The following PNPLA1 variants were observed in gnomAD, a reference collection of about 807,000 sequenced individuals.
The protein encoded by PNPLA1 is patatin like domain 1, omega-hydroxyceramide transacylase, also known as omega-hydroxyceramide transacylase.
In PNPLA1, 36 loss-of-function variants were observed where a neutral mutation model predicts 51.7. The observed-to-expected ratio is 0.70, with a 90% CI of 0.53 to 0.92. The LOEUF is 0.92. PNPLA1 is among the 40% of genes least tolerant of loss of function. The pLI is 0.00. For missense variants in PNPLA1, 658 were observed against 682.5 expected, an observed-to-expected ratio of 0.96 and a Z score of 0.40; for synonymous variants, 293 against 280.1, an observed-to-expected ratio of 1.05 and a Z score of -0.46.
In PNPLA1 at chr6:36,307,661, G is replaced by A; in HGVS notation, c.1544G>A (p.Arg515Lys). 9 of 1,613,860 alleles carry A rather than the reference G, an allele frequency of 5.6e-6. No individual in the cohort carries two copies. The highest frequency in any genetic ancestry group is 7.6e-6 in the Non-Finnish European group (9 of 1,179,898). ...AACAAGCAAAAGACAAGTGGCACCAGAAAAGGCTTCCCAAGACATTCGGGA... is the reference window on the plus strand; with the variant it reads ...AACAAGCAAAAGACAAGTGGCACCAAAAAAGGCTTCCCAAGACATTCGGGA... ...KKNKQKTSGT[R>K]KGFPRHSGSK... The change falls in exon 8 of 9, where the codon AGA becomes AAA. Residue 515 changes from arginine (R) to lysine (K), a missense_variant. Transcript: ENST00000636260.
rs533490180 is a variant in PNPLA1, at chr6:36,305,988, C to T, written c.1385-304C>T. Among the ~76,000 whole-genome samples the T allele has an allele frequency of 4.6e-5, 7 of 152,188 alleles. No homozygotes were observed. In the South Asian group the frequency reaches 1.4e-3, roughly 32 times the overall value. ...CAGACTGGTCTCAAATTCCTGGCCT[C>T]AAGTGATCTGCCCGCCTTGGCCTCC... On this transcript the variant is annotated intron_variant, in intron 6 of 8. Coordinates refer to ENST00000636260, the MANE Select transcript of PNPLA1 (RefSeq NM_001374623.1).
intron 1 of PNPLA1, among the ~76,000 whole-genome samples, chr6:36,247,589 A>G (rs1239301095): frequency 6.6e-6 from 1 of 152,208 alleles, no homozygotes; most frequent in Non-Finnish European, 1.5e-5. Flanking sequence ...GGTGTGGAGA[A>G]AGATCTGAGA....
chr6:36,282,844 C>T (rs138634308), intron 1 of PNPLA1, among the ~76,000 whole-genome samples: 32 of 152,240 alleles, frequency 2.1e-4, no homozygotes, highest in Middle Eastern at 6.8e-3. Context: ...CCCACCACGT[C>T]CAGCTAATTT....
At chr6:36,291,579 GACAC>G (rs1561864533) in intron 2 of PNPLA1, 27 bp downstream of exon 2, 41 of 103,620 alleles carry the variant, frequency 4.0e-4, no homozygotes, top group Admixed American at 1.3e-3. Flanking sequence ...GGGAGGGAGG[GACAC>G]GGAGGGGGCG....
chr6:36,300,110 G>A lies in PNPLA1; in HGVS notation c.776-1751G>A, dbSNP rs141525284. On this transcript the variant is annotated intron_variant, in intron 5 of 8. Coordinates refer to ENST00000636260, the MANE Select transcript of PNPLA1 (RefSeq NM_001374623.1). Reference sequence around the variant, plus strand: ...GGATCACATTACATTTTGTTGTCACGTCTCCTCAGTTTCCTCTTGCCTATA... The same window carrying A: ...GGATCACATTACATTTTGTTGTCACATCTCCTCAGTTTCCTCTTGCCTATA... Among the ~76,000 whole-genome samples, 20 of 150,904 alleles carry A rather than the reference G, an allele frequency of 1.3e-4. No homozygotes were observed. In the East Asian group the frequency reaches 3.9e-3, roughly 29 times the overall value.
chr6:36,289,475 T>A (rs1379591959), intron 1 of PNPLA1, among the ~76,000 whole-genome samples: 1 of 152,192 alleles, frequency 6.6e-6, no homozygotes, highest in Non-Finnish European at 1.5e-5. Context: ...TGGCACATGG[T>A]AAGGCTAACC....
At chr6:36,285,039 G>A (rs571428067) in intron 1 of PNPLA1, among the ~76,000 whole-genome samples, 1 of 152,342 alleles carries the variant, frequency 6.6e-6, no homozygotes, top group African/African-American at 2.4e-5. Context: ...AGGATAAACT[G>A]AGATAATAGG....
At chr6:36,277,682 A>T (rs1233408430) in intron 1 of PNPLA1, among the ~76,000 whole-genome samples, 1 of 152,236 alleles carries the variant, frequency 6.6e-6, no homozygotes, top group Non-Finnish European at 1.5e-5. Flanking sequence ...TGGGCAACAA[A>T]GTGAGACCCT....
At position 36,302,321 on chromosome 6, in the gene PNPLA1, C is replaced by A; in HGVS notation, c.1236C>A (p.Ala412=). The A allele has an allele frequency of 1.2e-6, 2 of 1,613,994 alleles. No individual in the cohort carries two copies. The highest frequency in any genetic ancestry group is 8.5e-7 in the Non-Finnish European group (1 of 1,179,936). ...AGGTACAACCGTCTGGATCACCAGC[C>A]AGATCCCTACACTCTCAGGCACCCA... ...QQQVQPSGSP[A]RSLHSQAPTS... Residue 412 remains alanine, a synonymous_variant, in exon 6 of 9, where the codon GCC becomes GCA. Transcript: ENST00000636260.
chr6:36,292,720 T>C (rs72848550), intron 2 of PNPLA1, among the ~76,000 whole-genome samples: 5,516 of 152,302 alleles, frequency 0.036, 121 homozygotes, highest in Middle Eastern at 0.14. Context: ...CAGCCTCCTT[T>C]GCTTCCAGGG....
chr6:36,269,525 GGAA>G (rs1241608333), upstream of PNPLA1, among the ~76,000 whole-genome samples: 1 of 152,112 alleles, frequency 6.6e-6, no homozygotes, highest in South Asian at 2.1e-4. Context: ...TTTCTGAGCG[GGAA>G]GAAGAACACG....
At position 36,264,752 on chromosome 6, in the gene PNPLA1, T is replaced by C. The variant is rs577538167; in HGVS notation, c.-81+21491T>C. The stretch of plus-strand genomic sequence containing the variant: ...GTTTGCTGCACTAGTTTGGGTACTT[T>C]ATGCTAGAGCTCTTTCATTATAAGA... On this transcript the variant is annotated intron_variant, in intron 1 of 7. Transcript: ENST00000312917. 2.0e-5 allele frequency among the ~76,000 whole-genome samples: 3 copies of C among 152,324 alleles called. No homozygotes were observed. The East Asian group carries it at 5.8e-4, about 29-fold the overall frequency.
rs1439010386 is a variant in PNPLA1, at chr6:36,270,494, C to T, written c.35C>T (p.Thr12Ile). Reference protein sequence around the residue: ...EEQVFKGDPDTPHSISFSGSG... With the variant: ...EEQVFKGDPDIPHSISFSGSG... ...CAGGTGTTCAAGGGGGACCCGGACA[C>T]CCCTCACTCCATCTCCTTCTCGGGC... The change falls in exon 1 of 9, where the codon ACC becomes ATC. Residue 12 changes from threonine (T) to isoleucine (I), a missense_variant. Transcript: ENST00000636260. 3 of 1,551,352 alleles carry T rather than the reference C, an allele frequency of 1.9e-6. No individual in the cohort carries two copies. Among genetic ancestry groups the T allele is most frequent in the Middle Eastern group, 1.7e-4 (1 of 5,992 alleles).
intron 1 of PNPLA1, among the ~76,000 whole-genome samples, chr6:36,286,055 A>G (rs1205423715): frequency 6.6e-6 from 1 of 152,254 alleles, no homozygotes; most frequent in African/African-American, 2.4e-5. Context: ...CTGAATCATC[A>G]AAATGCCTTG....
intron 1 of PNPLA1, among the ~76,000 whole-genome samples, chr6:36,282,135 AGGAAAG>A (rs1483300803): frequency 4.1e-5 from 6 of 146,782 alleles, no homozygotes; most frequent in African/African-American, 1.3e-4. Context: ...GAAGGAAGGA[AGGAAAG>A]AGAGACAGAG....
chr6:36,295,467 T>C (rs1305709397), intron 5 of PNPLA1, 43 bp downstream of exon 5: 1 of 1,592,958 alleles, frequency 6.3e-7, no homozygotes, highest in East Asian at 2.2e-5. Context: ...TGTTGGAGGG[T>C]AGGGAAAGTT....
chr6:36,243,365 T>G (rs1404062306), intron 1 of PNPLA1: 1 of 150,292 alleles, frequency 6.7e-6, no homozygotes, highest in Non-Finnish European at 1.5e-5. Context: ...GCATGGAGAG[T>G]GAGGGAGGAA....
At chr6:36,310,400 G>T (rs1771362600) in intron 8 of PNPLA1, among the ~76,000 whole-genome samples, 1 of 152,210 alleles carries the variant, frequency 6.6e-6, no homozygotes, top group Non-Finnish European at 1.5e-5. Context: ...AAGAGACAGA[G>T]TGAGAAATTG....
intron 6 of PNPLA1, among the ~76,000 whole-genome samples, chr6:36,304,629 GAAAAAAAAA>G (rs539155104): frequency 1.4e-5 from 1 of 71,964 alleles, no homozygotes; most frequent in Non-Finnish European, 2.7e-5. Flanking sequence ...TCCGTCTCAG[GAAAAAAAAA>G]AAAAAAAAAA....
Sources: allele counts gnomAD v4.1 joint callset (sites outside exome capture counted in the v4.1 genomes callset), GRCh38; gene constraint gnomAD v4.1.1; transcripts MANE v1.5; gene names NCBI Gene and HGNC (gene_info 2026-07-23, HGNC 2026-07-21).